PAPPA: variants seen among roughly 807,000 people sequenced by gnomAD.
PAPPA encodes the protein pappalysin-1.
Under a neutral mutation model 164.0 loss-of-function variants are expected in PAPPA, and 60 were observed. The observed-to-expected ratio is 0.37, with a 90% confidence interval of 0.30 to 0.45. PAPPA has a LOEUF of 0.45. PAPPA is among the 20% of genes least tolerant of loss of function. PAPPA has a pLI of 1.00. For synonymous variants in PAPPA, 875 were observed against 814.1 expected (o/e 1.07, Z -1.27); for missense variants, 1,782 against 2,087.3 (o/e 0.85, Z 2.85).
In PAPPA at chr9:116,154,456, G is replaced by T. The variant is rs1229260751; in HGVS notation, c.284G>T (p.Arg95Leu). The T allele has an allele frequency of 5.4e-6, 7 of 1,285,128 alleles. No homozygotes were observed. Among genetic ancestry groups the T allele is most frequent in the Non-Finnish European group, 6.9e-6 (7 of 1,017,098 alleles). The allele number at this position is 1,285,128 out of a possible 1,614,324, so 79.6% of individuals were successfully genotyped here. ...GATEEPSPPS[R>L]ALYFSGRGEQ... ...ACCGAGGAGCCGAGCCCGCCGAGCC[G>T]GGCGCTCTATTTCAGCGGGCGAGGC... The change falls in exon 1 of 22, where the codon CGG becomes CTG. Residue 95 changes from arginine (R) to leucine (L), a missense_variant. Arg to Leu is a moderately radical substitution (Grantham distance 102). Around this residue, in one of 2 missense-constraint regions of PAPPA, gnomAD observed 458 missense variants for 430.3 expected, o/e 1.06. Transcript: ENST00000328252. The surrounding 1 kb of genome is among the most constrained non-coding windows in gnomAD (Gnocchi z 5.2).
intron 21 of PAPPA, among the ~76,000 whole-genome samples, chr9:116,388,542 T>G (rs1846846908): frequency 6.6e-6 from 1 of 151,986 alleles, no homozygotes; most frequent in Non-Finnish European, 1.5e-5. Context: ...GTCTGGGGAG[T>G]TGGGGTATAG....
chr9:116,167,555 C>T (rs1452807993), intron 1 of PAPPA, among the ~76,000 whole-genome samples: 5 of 152,140 alleles, frequency 3.3e-5, no homozygotes, highest in South Asian at 2.1e-4. Context: ...CATGTTTCCC[C>T]AGATATGCTC....
At chr9:116,392,037 C>G (rs1846899742) in intron 21 of PAPPA, among the ~76,000 whole-genome samples, 1 of 152,146 alleles carries the variant, frequency 6.6e-6, no homozygotes, top group African/African-American at 2.4e-5. Flanking sequence ...TGCCAGGCCA[C>G]CTGACAGCCC....
chr9:116,221,835 G>A (rs1210015568), intron 5 of PAPPA, among the ~76,000 whole-genome samples: 2 of 152,186 alleles, frequency 1.3e-5, no homozygotes, highest in Non-Finnish European at 1.5e-5. Context: ...GACACTTCAA[G>A]ACACACAAAT....
intron 9 of PAPPA, among the ~76,000 whole-genome samples, chr9:116,284,336 T>C (rs761689379): frequency 4.6e-5 from 7 of 152,166 alleles, no homozygotes; most frequent in Non-Finnish European, 8.8e-5. Context: ...TCTTTTGTCT[T>C]ATCTGGCTCT....
intron 21 of PAPPA, among the ~76,000 whole-genome samples, chr9:116,392,477 T>C (rs1250619897): frequency 6.6e-6 from 1 of 152,132 alleles, no homozygotes; most frequent in Non-Finnish European, 1.5e-5. Flanking sequence ...AGCTAGCATA[T>C]AGAAATCATC....
At chr9:116,220,399 C>T (rs995866962) in intron 5 of PAPPA, among the ~76,000 whole-genome samples, 1 of 151,496 alleles carries the variant, frequency 6.6e-6, no homozygotes, top group Non-Finnish European at 1.5e-5. Flanking sequence ...TCTTTTGCTA[C>T]AGACCTCTTC....
intron 9 of PAPPA, among the ~76,000 whole-genome samples, chr9:116,274,361 C>T: frequency 6.6e-6 from 1 of 152,220 alleles, no homozygotes; most frequent in East Asian, 1.9e-4. Context: ...CCAGGGACTA[C>T]ATTCCAAGGA....
chr9:116,238,208 A>G (rs1564195144), intron 7 of PAPPA, among the ~76,000 whole-genome samples: 1 of 152,312 alleles, frequency 6.6e-6, no homozygotes, highest in East Asian at 1.9e-4. Context: ...AAGTTTAAAA[A>G]CCAGTGCACT....
intron 7 of PAPPA, among the ~76,000 whole-genome samples, chr9:116,251,353 G>C (rs921108269): frequency 2.0e-5 from 3 of 152,196 alleles, no homozygotes; most frequent in African/African-American, 7.2e-5. Context: ...TAAGGGGAGA[G>C]AAGAAAGAGA....
chr9:116,393,010 C>T (rs149334270), intron 21 of PAPPA, among the ~76,000 whole-genome samples: 4 of 152,244 alleles, frequency 2.6e-5, no homozygotes, highest in African/African-American at 7.2e-5. Context: ...GTGTTTATTT[C>T]GGAAGTGCTG....
At chr9:116,225,813 C>T (rs975822063) in intron 5 of PAPPA, among the ~76,000 whole-genome samples, 7 of 143,362 alleles carry the variant, frequency 4.9e-5, no homozygotes, top group Middle Eastern at 3.7e-3. Context: ...TGGTATCCAT[C>T]CATCCATCCA....
chr9:116,401,568 A>C lies in PAPPA; in HGVS notation c.*4952A>C, dbSNP rs1847056030. The C allele has an allele frequency of 6.6e-6, 1 of 151,110 alleles. No homozygotes were observed. Among genetic ancestry groups the C allele is most frequent in the Admixed American group, 6.6e-5 (1 of 15,116 alleles). 9.4% of individuals were successfully genotyped at this position (151,110 alleles called of 1,614,324 possible). On this transcript the variant is annotated 3_prime_UTR_variant, in exon 22 of 22. Coordinates refer to ENST00000328252, the MANE Select transcript of PAPPA (RefSeq NM_002581.5). ...TAAATTTACATATATATGCACATGT[A>C]TATATAGTTGTACATATATGTGTGT...
At chr9:116,308,284 A>G (rs978038663) in intron 10 of PAPPA, among the ~76,000 whole-genome samples, 3 of 152,236 alleles carry the variant, frequency 2.0e-5, no homozygotes, top group Non-Finnish European at 2.9e-5. Context: ...TCCCCGAGGA[A>G]GAAACCACAC....
At chr9:116,215,957 T>C (rs942031348) in intron 4 of PAPPA, among the ~76,000 whole-genome samples, 1 of 152,144 alleles carries the variant, frequency 6.6e-6, no homozygotes, top group Non-Finnish European at 1.5e-5. Flanking sequence ...AACACATATA[T>C]ATATACATAC....
intron 15 of PAPPA, among the ~76,000 whole-genome samples, chr9:116,350,747 A>G (rs1846270873): frequency 6.6e-6 from 1 of 152,200 alleles, no homozygotes; most frequent in South Asian, 2.1e-4. Flanking sequence ...CAAAGCAATG[A>G]CTGCCCCGAT....
intron 4 of PAPPA, among the ~76,000 whole-genome samples, chr9:116,214,760 C>T (rs1409729952): frequency 6.6e-6 from 1 of 152,116 alleles, no homozygotes; most frequent in Non-Finnish European, 1.5e-5. Context: ...CTCTGGTCCT[C>T]AAAACTGCAG....
At chr9:116,327,019 T>C (rs1231956702) in intron 10 of PAPPA, among the ~76,000 whole-genome samples, 4 of 152,228 alleles carry the variant, frequency 2.6e-5, no homozygotes, top group African/African-American at 9.6e-5. Context: ...TTGGCTATCA[T>C]GAATAATACT....
intron 17 of PAPPA, among the ~76,000 whole-genome samples, chr9:116,359,611 C>T (rs774135886): frequency 3.9e-5 from 6 of 152,190 alleles, no homozygotes; most frequent in Non-Finnish European, 8.8e-5. Context: ...TGAATTTCTG[C>T]ACCAGGTGGT....
Sources: gnomAD v4.1 joint callset for allele counts (sites outside exome capture counted in the v4.1 genomes callset) on GRCh38, gnomAD v4.1.1 for gene constraint, gnomAD v4.1.1 regional missense constraint, Gnocchi (gnomAD v3.1) non-coding constraint, MANE v1.5 for transcripts, NCBI Gene and HGNC (gene_info 2026-07-23, HGNC 2026-07-21) for gene names.